Variants in RAB3GAP2 observed in about 807,000 individuals in gnomAD.
RAB3GAP2 encodes RAB3 GTPase activating non-catalytic protein subunit 2, also known as rab3 GTPase-activating protein non-catalytic subunit.
A neutral mutation model predicts 185.3 loss-of-function variants in RAB3GAP2; 87 were observed. The ratio of observed to expected loss-of-function variants is 0.47; its 90% CI spans 0.39 to 0.56. The LOEUF (loss-of-function observed/expected upper bound fraction) is 0.56, where lower values mean the gene tolerates loss of function less well. Ranked by LOEUF, RAB3GAP2 falls within the 20% of genes least tolerant of loss-of-function variation. The probability of loss-of-function intolerance (pLI) is 0.00; values close to 1 mark genes in which losing one functional copy is unlikely to be tolerated. For missense variants in RAB3GAP2, 1,492 were observed against 1,638.2 expected (o/e 0.91, Z 1.54); for synonymous variants, 554 against 576.1 (o/e 0.96, Z 0.55).
intron 1 of RAB3GAP2, among the ~76,000 whole-genome samples, chr1:220,245,554 C>A (rs1659790742): frequency 6.6e-6 from 1 of 152,142 alleles, no homozygotes; most frequent in South Asian, 2.1e-4. Flanking sequence ...GCACAGCAGT[C>A]TGAGATCAAA....
At chr1:220,156,149 C>A (rs1226802330) in intron 31 of RAB3GAP2, among the ~76,000 whole-genome samples, 1 of 152,052 alleles carries the variant, frequency 6.6e-6, no homozygotes, top group Non-Finnish European at 1.5e-5. Context: ...CAGGGTTTCA[C>A]CATGTTGGCC....
intron 24 of RAB3GAP2, among the ~76,000 whole-genome samples, chr1:220,168,221 C>T (rs544657365): frequency 4.7e-4 from 72 of 151,750 alleles, no homozygotes; most frequent in African/African-American, 1.7e-3. Flanking sequence ...GCCTCCCGAG[C>T]AACTGAGATT....
chr1:220,238,768 T>C (rs1229916410), intron 1 of RAB3GAP2, among the ~76,000 whole-genome samples: 2 of 152,204 alleles, frequency 1.3e-5, no homozygotes, highest in African/African-American at 4.8e-5. Context: ...CCAATGATCT[T>C]TCCCTCTTGT....
At chr1:220,206,030 AGTTCTTGAATAGAT>A in intron 7 of RAB3GAP2, 24 bp from the exon 8 acceptor site, 3 of 1,402,734 alleles carry the variant, frequency 2.1e-6, no homozygotes, top group Non-Finnish European at 3.0e-6. Flanking sequence ...AAAAAAAAAA[AGTTCTTGAATAGAT>A]AAATAAGCTT....
At chr1:220,201,992 C>G (rs1387949574) in intron 9 of RAB3GAP2, among the ~76,000 whole-genome samples, 1 of 151,746 alleles carries the variant, frequency 6.6e-6, no homozygotes, top group East Asian at 1.9e-4. Context: ...TGATGAAATC[C>G]CGTCTCTATT....
At chr1:220,236,999 T>C (rs1476387425) in intron 1 of RAB3GAP2, among the ~76,000 whole-genome samples, 1 of 152,150 alleles carries the variant, frequency 6.6e-6, no homozygotes, top group Non-Finnish European at 1.5e-5. Context: ...ATCAATTACT[T>C]CCAAAAAAGC....
At chr1:220,236,954 T>C (rs1407970002) in intron 1 of RAB3GAP2, among the ~76,000 whole-genome samples, 1 of 152,214 alleles carries the variant, frequency 6.6e-6, no homozygotes, top group East Asian at 1.9e-4. Flanking sequence ...CTCTACGTCA[T>C]CATGAAGAAA....
rs1337028526 is a variant in RAB3GAP2, at chr1:220,163,740, CATACATAT to C, written c.3154+985_3154+992del. The stretch of plus-strand genomic sequence containing the variant: ...ATCAGTCAAGGTAAATATATAAATA[CATACATAT>C]ATATATATATATATATATATATATA... On this transcript the variant is annotated intron_variant, in intron 27 of 34. Transcript: ENST00000358951. Among the ~76,000 whole-genome samples, 107 of 90,112 alleles carry C rather than the reference CATACATAT, an allele frequency of 1.2e-3. 1 individual carries two copies. The highest frequency in any genetic ancestry group is 0.011 in the Middle Eastern group (2 of 184). 59.1% of individuals were successfully genotyped at this position (90,112 alleles called of 152,430 possible). A position where few individuals can be genotyped will look rare whatever the true frequency, so the allele number is the denominator to read the frequency against.
chr1:220,272,110 C>G, intron 1 of RAB3GAP2, 113 bp downstream of exon 1: 2 of 903,414 alleles, frequency 2.2e-6, no homozygotes, highest in Admixed American at 4.0e-5. Flanking sequence ...ACGGGGAGAA[C>G]TGGGGGTCCA....
In RAB3GAP2 at chr1:220,150,425, G is replaced by A. The variant is rs372766433; in HGVS notation, c.*826C>T. 17 of 148,840 alleles carry A rather than the reference G, an allele frequency of 1.1e-4. No homozygotes were observed. The South Asian group carries it at 2.6e-3, about 22-fold the overall frequency. 9.2% of individuals were successfully genotyped at this position (148,840 alleles called of 1,614,324 possible). ...AAACACTTGTAGGAAAAATAAAGTC[G>A]GACTTAAAATTTTTAGTATCTTTGC... On this transcript the variant is annotated 3_prime_UTR_variant, in exon 35 of 35. Transcript: ENST00000358951.
intron 1 of RAB3GAP2, chr1:220,254,556 C>T: frequency 1.3e-6 from 2 of 1,599,712 alleles, no homozygotes; most frequent in South Asian, 2.2e-5. Context: ...CACTCTCACT[C>T]ACTTATGTTT....
chr1:220,159,527 G>T (rs112517231), intron 28 of RAB3GAP2, 106 bp from the exon 29 acceptor site: 23 of 842,928 alleles, frequency 2.7e-5, no homozygotes, highest in African/African-American at 1.0e-4. Flanking sequence ...CGTAAATGGC[G>T]CTATAAGTAA....
In RAB3GAP2 at chr1:220,149,909, A is replaced by G. The variant is rs561811062; in HGVS notation, c.*1342T>C. 6.6e-6 allele frequency: 1 copy of G among 152,288 alleles called. No homozygotes were observed. The highest frequency in any genetic ancestry group is 2.4e-5 in the African/African-American group (1 of 41,568). 9.4% of individuals were successfully genotyped at this position (152,288 alleles called of 1,614,324 possible). On this transcript the variant is annotated 3_prime_UTR_variant, in exon 35 of 35. Coordinates refer to ENST00000358951, the MANE Select transcript of RAB3GAP2 (RefSeq NM_012414.4). ...TACTCCTCAACTTTGCATGATTACT[A>G]TAGTTGGCTTCTTAAGGGGAAGTGA...
Position 220,154,093 on chromosome 1 carries a change from G to A in RAB3GAP2, c.3556-36C>T, listed in dbSNP as rs746239589. 7.5e-6 allele frequency: 12 copies of A among 1,609,408 alleles called. No individual in the cohort carries two copies. In the Middle Eastern group the frequency reaches 5.0e-4, roughly 67 times the overall value. Reference sequence around the variant, plus strand: ...AGAGAGCAAGAAAACTGATGAGTGTGGATTATTAAGGGGGGAGAGGGAGAA... The same window carrying A: ...AGAGAGCAAGAAAACTGATGAGTGTAGATTATTAAGGGGGGAGAGGGAGAA... On this transcript the variant is annotated intron_variant, in intron 31 of 34. Transcript: ENST00000358951.
intron 2 of RAB3GAP2, chr1:220,219,709 A>C (rs1461868081): frequency 6.6e-6 from 1 of 152,212 alleles, no homozygotes; most frequent in African/African-American, 2.4e-5. Context: ...GGGAAGTCTC[A>C]AGTCTAAGCA....
At chr1:220,268,317 A>G (rs754760456) in intron 1 of RAB3GAP2, among the ~76,000 whole-genome samples, 1 of 152,238 alleles carries the variant, frequency 6.6e-6, no homozygotes, top group Non-Finnish European at 1.5e-5. Context: ...GAACACTTAC[A>G]TTAGCCTATA....
intron 28 of RAB3GAP2, among the ~76,000 whole-genome samples, chr1:220,160,710 T>C (rs2102853698): frequency 6.6e-6 from 1 of 152,310 alleles, no homozygotes; most frequent in African/African-American, 2.4e-5. Flanking sequence ...TACTTTCCTC[T>C]CACCTACTTT....
At chr1:220,245,411 G>T (rs1659786880) in intron 1 of RAB3GAP2, among the ~76,000 whole-genome samples, 2 of 152,216 alleles carry the variant, frequency 1.3e-5, no homozygotes, top group African/African-American at 2.4e-5. Context: ...GGTGACGGAA[G>T]CACCTGGAAA....
At position 220,148,810 on chromosome 1, in the gene RAB3GAP2, C is replaced by A. The variant is rs1345007645; in HGVS notation, c.*2441G>T. The A allele has an allele frequency of 6.6e-6, 1 of 152,062 alleles. No homozygotes were observed. The highest frequency in any genetic ancestry group is 6.6e-5 in the Admixed American group (1 of 15,252). The allele number at this position is 152,062 out of a possible 1,614,324, so 9.4% of individuals were successfully genotyped here. A position where few individuals can be genotyped will look rare whatever the true frequency, so the allele number is the denominator to read the frequency against. On this transcript the variant is annotated 3_prime_UTR_variant, in exon 35 of 35. Coordinates refer to ENST00000358951, the MANE Select transcript of RAB3GAP2 (RefSeq NM_012414.4). ...CTATATATCTCTTTATCTACATTTA[C>A]CCTGGCCCCTCTAGTTCTGCATCTA...
Sources: gnomAD v4.1 joint callset for allele counts (sites outside exome capture counted in the v4.1 genomes callset) on GRCh38, gnomAD v4.1.1 for gene constraint, MANE v1.5 for transcripts, NCBI Gene and HGNC (gene_info 2026-07-23, HGNC 2026-07-21) for gene names.